KAT2B: variants seen among roughly 807,000 people sequenced by gnomAD.
KAT2B encodes the protein lysine acetyltransferase 2B.
A neutral mutation model predicts 105.9 loss-of-function variants in KAT2B; 36 were observed. The observed-to-expected ratio is 0.34, with a 90% CI of 0.26 to 0.45. KAT2B has a LOEUF of 0.45. Among genes scored for constraint, KAT2B ranks in the 20% least tolerant of loss-of-function variants. The pLI is 1.00. For synonymous variants in KAT2B, 397 were observed against 377.9 expected (o/e 1.05, Z -0.59); for missense variants, 820 against 1,021.6 (o/e 0.80, Z 2.69).
intron 12 of KAT2B, among the ~76,000 whole-genome samples, chr3:20,138,987 G>A (rs1699651613): frequency 6.6e-6 from 1 of 152,108 alleles, no homozygotes; most frequent in Non-Finnish European, 1.5e-5. Context: ...TCAACCTCCT[G>A]GGCTCAGGCG....
chr3:20,092,086 A>G (rs1329726602), intron 2 of KAT2B, among the ~76,000 whole-genome samples: 1 of 151,992 alleles, frequency 6.6e-6, no homozygotes, highest in Non-Finnish European at 1.5e-5. Flanking sequence ...TGTTAGGTCC[A>G]TTTTCTTTAA....
intron 1 of KAT2B, among the ~76,000 whole-genome samples, chr3:20,056,641 C>T (rs983525447): frequency 6.6e-6 from 1 of 152,106 alleles, no homozygotes; most frequent in Admixed American, 6.6e-5. Context: ...CAAAGAGAAA[C>T]TGGGACATAG....
In KAT2B at chr3:20,148,087, T is replaced by C. The variant is rs1023489665; in HGVS notation, c.2156+88T>C. 6 of 1,414,920 alleles carry C rather than the reference T, an allele frequency of 4.2e-6. No individual in the cohort carries two copies. The African/African-American group carries it at 7.2e-5, about 17-fold the overall frequency. The allele number at this position is 1,414,920 out of a possible 1,614,324, so 87.6% of individuals were successfully genotyped here. A position where few individuals can be genotyped will look rare whatever the true frequency, so the allele number is the denominator to read the frequency against. On this transcript the variant is annotated intron_variant, in intron 15 of 17. Coordinates refer to ENST00000263754, the MANE Select transcript of KAT2B (RefSeq NM_003884.5). ...TTAAAGAAAAACGGCAAACTAATTG[T>C]AATCACTAACACAACAGTTGGTGGG...
At chr3:20,085,229 C>T (rs939159541) in intron 2 of KAT2B, among the ~76,000 whole-genome samples, 5 of 152,080 alleles carry the variant, frequency 3.3e-5, no homozygotes, top group African/African-American at 1.2e-4. Context: ...AAAAATAGTC[C>T]TAAATAAAAT....
chr3:20,090,124 G>C (rs139598012), intron 2 of KAT2B, among the ~76,000 whole-genome samples: 1 of 152,184 alleles, frequency 6.6e-6, no homozygotes, highest in African/African-American at 2.4e-5. Context: ...AGGGTTTTCT[G>C]TTTATAAAAT....
chr3:20,049,077 GTC>G lies in KAT2B; in HGVS notation c.303+8300_303+8301del, dbSNP rs149961286. On this transcript the variant is annotated intron_variant, in intron 1 of 17. Transcript: ENST00000263754. Reference sequence around the variant, plus strand: ...GGGTTTCACCATGTTGCCCAAGATGGTCTCGATTTCTTGACCTCGTGATCCGC... The same window carrying G: ...GGGTTTCACCATGTTGCCCAAGATGGTCGATTTCTTGACCTCGTGATCCGC... Among the ~76,000 whole-genome samples the G allele has an allele frequency of 9.2e-3, 1,389 of 150,710 alleles. 57 individuals are homozygous for G. In the East Asian group the frequency reaches 0.13, roughly 14 times the overall value.
intron 12 of KAT2B, among the ~76,000 whole-genome samples, chr3:20,139,217 A>T (rs200540757): frequency 6.6e-6 from 1 of 150,850 alleles, no homozygotes; most frequent in East Asian, 2.0e-4. Context: ...ACCCAGCCAG[A>T]CTTCTTTTTT....
chr3:20,096,828 T>C (rs539759469), intron 3 of KAT2B, among the ~76,000 whole-genome samples: 1 of 152,294 alleles, frequency 6.6e-6, no homozygotes, highest in African/African-American at 2.4e-5. Flanking sequence ...AACTTTTGTC[T>C]TTTATTGTAC....
chr3:20,056,064 T>A (rs1697999110), intron 1 of KAT2B, among the ~76,000 whole-genome samples: 1 of 152,218 alleles, frequency 6.6e-6, no homozygotes, highest in Non-Finnish European at 1.5e-5. Context: ...TTCCAGTGAA[T>A]TCAAATTAGA....
At chr3:20,104,001 C>A (rs963640240) in intron 5 of KAT2B, among the ~76,000 whole-genome samples, 1 of 106,286 alleles carries the variant, frequency 9.4e-6, no homozygotes, top group African/African-American at 3.0e-5. Context: ...GGAAGATGCT[C>A]ATCATCATTT....
intron 1 of KAT2B, among the ~76,000 whole-genome samples, chr3:20,041,064 G>A (rs1697710026): frequency 6.6e-6 from 1 of 152,154 alleles, no homozygotes; most frequent in South Asian, 2.1e-4. Context: ...GCTACCTTGG[G>A]GTTTTGTTGC....
At position 20,136,962 on chromosome 3, in the gene KAT2B, G is replaced by A; in HGVS notation, c.1770G>A (p.Met590Ile). ...CACAGGGCTATGGAACACACCTGAT[G>A]AATCATTTGAAAGAATATCACATAA... ...EQVKGYGTHL[M>I]NHLKEYHIKH... Residue 590 changes from methionine (M) to isoleucine (I), a missense_variant, in exon 12 of 18, where the codon ATG becomes ATA. By Grantham distance (10) the Met-to-Ile change is conservative. Coordinates refer to ENST00000263754, the MANE Select transcript of KAT2B (RefSeq NM_003884.5). 6.2e-7 allele frequency: 1 copy of A among 1,606,224 alleles called. No individual in the cohort carries two copies. Among genetic ancestry groups the A allele is most frequent in the Non-Finnish European group, 8.5e-7 (1 of 1,173,094 alleles).
intron 8 of KAT2B, among the ~76,000 whole-genome samples, chr3:20,121,391 C>G (rs1699304663): frequency 6.6e-6 from 1 of 152,092 alleles, no homozygotes; most frequent in African/African-American, 2.4e-5. Flanking sequence ...AAAATAAATA[C>G]ATGTTATGTC....
At chr3:20,094,636 C>T (rs1289315002) in intron 2 of KAT2B, among the ~76,000 whole-genome samples, 2 of 152,196 alleles carry the variant, frequency 1.3e-5, no homozygotes, top group Non-Finnish European at 2.9e-5. Context: ...AACAAAGATG[C>T]AAAAGTGGGT....
chr3:20,130,057 A>C (rs1188656979), intron 11 of KAT2B, among the ~76,000 whole-genome samples: 1 of 152,044 alleles, frequency 6.6e-6, no homozygotes. Context: ...TGCTCACTGC[A>C]ACCTCCGCCT....
At chr3:20,099,837 C>CT (rs745628527) in intron 3 of KAT2B, 25 bp from the exon 4 acceptor site, 455 of 1,330,436 alleles carry the variant, frequency 3.4e-4, no homozygotes, top group Non-Finnish European at 4.2e-4. Flanking sequence ...TTTTCTTTTT[C>CT]TTTTTTTTAA....
At chr3:20,097,957 C>T (rs1488832902) in intron 3 of KAT2B, among the ~76,000 whole-genome samples, 6 of 151,954 alleles carry the variant, frequency 3.9e-5, no homozygotes, top group African/African-American at 1.2e-4. Context: ...AGTCTGGGCA[C>T]GGTGGCTCAC....
At chr3:20,113,406 AT>A (rs1559319019) in intron 6 of KAT2B, among the ~76,000 whole-genome samples, 1 of 152,090 alleles carries the variant, frequency 6.6e-6, no homozygotes, top group African/African-American at 2.4e-5. Flanking sequence ...TGCATAATAA[AT>A]TTTTTTCCCA....
intron 9 of KAT2B, among the ~76,000 whole-genome samples, chr3:20,124,601 GCATGAGATTTGGAGGGGT>G (rs1191017235): frequency 2.0e-5 from 3 of 152,198 alleles, no homozygotes; most frequent in Non-Finnish European, 4.4e-5. Context: ...TTGCATTTCA[GCATGAGATTTGGAGGGGT>G]CACACATTCA....
Sources: allele counts gnomAD v4.1 joint callset (sites outside exome capture counted in the v4.1 genomes callset), GRCh38; gene constraint gnomAD v4.1.1; transcripts MANE v1.5; gene names NCBI Gene and HGNC (gene_info 2026-07-23, HGNC 2026-07-21).